Variants in GTF3C3 observed in about 807,000 individuals in gnomAD.
GTF3C3 encodes the protein general transcription factor 3C polypeptide 3.
In GTF3C3, 75 loss-of-function variants were observed where a neutral mutation model predicts 105.2. That is an observed-to-expected ratio of 0.71 (90% CI 0.59 to 0.86). The LOEUF (loss-of-function observed/expected upper bound fraction) is 0.86, where lower values mean the gene tolerates loss of function less well. Among genes scored for constraint, GTF3C3 ranks in the 40% least tolerant of loss-of-function variants. The pLI, the probability that GTF3C3 is intolerant of heterozygous loss-of-function variation, is 0.00. For synonymous variants in GTF3C3, 335 were observed against 370.4 expected (o/e 0.90, Z 1.10); for missense variants, 856 against 1,076.5 (o/e 0.80, Z 2.87).
intron 2 of GTF3C3, 53 bp downstream of exon 2, chr2:196,797,739 ATTACT>A (rs968439744): frequency 5.2e-6 from 5 of 968,134 alleles, no homozygotes; most frequent in Non-Finnish European, 8.4e-6. Context: ...GTTTCACTAA[ATTACT>A]TTGCTTACAT....
At chr2:196,779,882 T>C (rs578182115) in intron 9 of GTF3C3, among the ~76,000 whole-genome samples, 31 of 152,238 alleles carry the variant, frequency 2.0e-4, no homozygotes, top group South Asian at 1.0e-3. Flanking sequence ...GGTTTCACCA[T>C]GTTGCCCAGG....
At chr2:196,797,962 C>A in intron 1 of GTF3C3, 54 bp from the exon 2 acceptor site, 2 of 1,007,162 alleles carry the variant, frequency 2.0e-6, no homozygotes, top group Admixed American at 3.4e-5. Context: ...CTTAGCTCTC[C>A]CCAGCCACAG....
intron 16 of GTF3C3, among the ~76,000 whole-genome samples, chr2:196,769,134 A>G (rs768065208): frequency 4.0e-4 from 61 of 152,200 alleles, no homozygotes; most frequent in Non-Finnish European, 7.8e-4. Flanking sequence ...TTTCAAATAT[A>G]CAACAGTAAA....
chr2:196,767,879 A>G (rs1276721526), intron 16 of GTF3C3, among the ~76,000 whole-genome samples: 3 of 152,262 alleles, frequency 2.0e-5, no homozygotes, highest in Non-Finnish European at 4.4e-5. Flanking sequence ...GCCCTTTAAG[A>G]AATGTTTAAC....
intron 17 of GTF3C3, among the ~76,000 whole-genome samples, chr2:196,765,733 G>A (rs141629340): frequency 0.01 from 1,529 of 151,678 alleles, 23 homozygotes; most frequent in African/African-American, 0.034. Flanking sequence ...CAATTGTGCC[G>A]GGCGCAGTGG....
chr2:196,795,724 A>C (rs1248665881), intron 2 of GTF3C3, among the ~76,000 whole-genome samples: 2 of 152,316 alleles, frequency 1.3e-5, no homozygotes, highest in South Asian at 4.1e-4. Flanking sequence ...GAATTACTGA[A>C]TGTTACTAAG....
At chr2:196,764,947 G>C in intron 17 of GTF3C3, among the ~76,000 whole-genome samples, 1 of 152,034 alleles carries the variant, frequency 6.6e-6, no homozygotes, top group Non-Finnish European at 1.5e-5. Context: ...TTGGATTTTA[G>C]AGTTAAAAAA....
At chr2:196,780,281 C>T (rs1699324797) in intron 9 of GTF3C3, 1 of 1,015,582 alleles carries the variant, frequency 9.8e-7, no homozygotes, top group Admixed American at 4.7e-5. Flanking sequence ...AGAATTATTA[C>T]CAATTATCTA....
chr2:196,786,510 C>T lies in GTF3C3; in HGVS notation c.894-922G>A, dbSNP rs1350425623. On this transcript the variant is annotated intron_variant, in intron 6 of 17. Coordinates refer to ENST00000263956, the MANE Select transcript of GTF3C3 (RefSeq NM_012086.5). The surrounding 1 kb of genome is among the most constrained non-coding windows in gnomAD (Gnocchi z 4.2). Reference sequence around the variant, plus strand: ...ATCTTTGGCCATATCATCTGCCTTCCCCTTTATCAAGGATAAATAATTGTA... The same window carrying T: ...ATCTTTGGCCATATCATCTGCCTTCTCCTTTATCAAGGATAAATAATTGTA... 6.6e-6 allele frequency among the ~76,000 whole-genome samples: 1 copy of T among 152,126 alleles called. No individual in the cohort carries two copies. The highest frequency in any genetic ancestry group is 2.4e-5 in the African/African-American group (1 of 41,432).
chr2:196,778,652 G>C (rs570593982), intron 10 of GTF3C3: 1 of 518,530 alleles, frequency 1.9e-6, no homozygotes, highest in South Asian at 2.2e-5. Flanking sequence ...GTTCAAGACA[G>C]GCATCTAAGG....
chr2:196,772,893 AAAAT>A lies in GTF3C3; in HGVS notation c.2069+19_2069+22del. 8.5e-7 allele frequency: 1 copy of A among 1,171,976 alleles called. No homozygotes were observed. Among genetic ancestry groups the A allele is most frequent in the African/African-American group, 1.5e-5 (1 of 65,050 alleles). 72.6% of individuals were successfully genotyped at this position (1,171,976 alleles called of 1,614,324 possible). On this transcript the variant is annotated intron_variant, in intron 14 of 17. Coordinates refer to ENST00000263956, the MANE Select transcript of GTF3C3 (RefSeq NM_012086.5). ...ACTTACTCTATTAAAGAATCTAATTAAAATAAATAACTGGGAAATCACCTGATAT... is the reference window on the plus strand; with the variant it reads ...ACTTACTCTATTAAAGAATCTAATTAAAATAACTGGGAAATCACCTGATAT...
At chr2:196,784,522 T>C (rs1458840293) in intron 8 of GTF3C3, among the ~76,000 whole-genome samples, 1 of 152,160 alleles carries the variant, frequency 6.6e-6, no homozygotes, top group Non-Finnish European at 1.5e-5. Context: ...TTTTAGGTCC[T>C]ATTTGAAAAG....
chr2:196,765,814 T>G (rs1224770928), intron 17 of GTF3C3, among the ~76,000 whole-genome samples: 3 of 151,494 alleles, frequency 2.0e-5, no homozygotes, highest in Non-Finnish European at 4.4e-5. Flanking sequence ...ATCGAGACCA[T>G]CCTGGTTAAC....
At chr2:196,778,711 C>T (rs1290123065) in intron 10 of GTF3C3, 185 bp downstream of exon 10, 3 of 600,226 alleles carry the variant, frequency 5.0e-6, no homozygotes, top group East Asian at 5.7e-5. Flanking sequence ...GTAAATCATT[C>T]CTCCAAAGCA....
chr2:196,766,761 C>CAATT (rs764941513), intron 16 of GTF3C3, 44 bp from the exon 17 acceptor site: 2 of 1,472,602 alleles, frequency 1.4e-6, no homozygotes, highest in South Asian at 2.4e-5. Flanking sequence ...ACTGATTTGA[C>CAATT]AATTATGTAC....
intron 1 of GTF3C3, chr2:196,799,309 A>G: frequency 1.9e-6 from 1 of 540,350 alleles, no homozygotes; most frequent in South Asian, 2.5e-5. Context: ...CCAAGACGAA[A>G]GCTTTTCGGT....
chr2:196,773,550 T>G lies in GTF3C3; in HGVS notation c.1832-397A>C, dbSNP rs536120708. ...GGACCAGTTTCATGCAAGGCAATTT[T>G]TCCATGGGCCAGGGCTAAGAAGGAT... On this transcript the variant is annotated intron_variant, in intron 13 of 17. Transcript: ENST00000263956. 6.3e-5 allele frequency: 19 copies of G among 302,100 alleles called. No homozygotes were observed. The East Asian group carries it at 1.6e-3, about 25-fold the overall frequency. 18.7% of individuals were successfully genotyped at this position (302,100 alleles called of 1,614,324 possible).
At chr2:196,780,372 A>G in intron 9 of GTF3C3, 187 bp downstream of exon 9, 2 of 1,239,800 alleles carry the variant, frequency 1.6e-6, no homozygotes, top group Non-Finnish European at 2.1e-6. Flanking sequence ...AAATTACTGT[A>G]AGCCCAATTG....
chr2:196,779,473 A>G (rs960570315), intron 9 of GTF3C3, among the ~76,000 whole-genome samples: 1 of 152,228 alleles, frequency 6.6e-6, no homozygotes. Flanking sequence ...ACAGCGTTAT[A>G]TGGTCATTTT....
Sources: allele counts gnomAD v4.1 joint callset (sites outside exome capture counted in the v4.1 genomes callset), GRCh38; gene constraint gnomAD v4.1.1; non-coding constraint Gnocchi (gnomAD v3.1); transcripts MANE v1.5; gene names NCBI Gene and HGNC (gene_info 2026-07-23, HGNC 2026-07-21).